ZMYM4: variants seen among roughly 807,000 people sequenced by gnomAD.
The protein encoded by ZMYM4 is zinc finger MYM-type containing 4.
In ZMYM4, 31 loss-of-function variants were observed where a neutral mutation model predicts 183.2. The ratio of observed to expected loss-of-function variants is 0.17; its 90% CI spans 0.13 to 0.23. The LOEUF (loss-of-function observed/expected upper bound fraction) is 0.23. Ranked by LOEUF, ZMYM4 falls within the 10% of genes least tolerant of loss-of-function variation. ZMYM4 has a pLI of 1.00. For missense variants in ZMYM4, 1,273 were observed against 1,840.3 expected, an observed-to-expected ratio of 0.69 and a Z score of 5.64; for synonymous variants, 592 against 631.2, an observed-to-expected ratio of 0.94 and a Z score of 0.93.
At chr1:35,386,275 C>T (rs1191023877) in intron 11 of ZMYM4, 86 bp downstream of exon 11, 1 of 883,648 alleles carries the variant, frequency 1.1e-6, no homozygotes, top group Non-Finnish European at 1.7e-6. Flanking sequence ...AAGAAATACC[C>T]TAGACTGGGT....
At chr1:35,385,311 G>A in intron 9 of ZMYM4, 131 bp from the exon 10 acceptor site, 4 of 973,984 alleles carry the variant, frequency 4.1e-6, no homozygotes, top group Non-Finnish European at 5.9e-6. Context: ...TTCCTATTGA[G>A]GATTACAATC....
At chr1:35,287,708 C>T (rs561771330) in intron 1 of ZMYM4, among the ~76,000 whole-genome samples, 6 of 152,150 alleles carry the variant, frequency 3.9e-5, no homozygotes, top group South Asian at 2.1e-4. Context: ...CGGGTTCAAG[C>T]GATTCTCCTG....
At chr1:35,361,893 G>A in intron 5 of ZMYM4, 104 bp downstream of exon 5, 4 of 1,419,504 alleles carry the variant, frequency 2.8e-6, no homozygotes, top group African/African-American at 2.9e-5. Context: ...TTGACAGGGT[G>A]AAAGGAAACT....
chr1:35,346,377 G>A (rs78248701), intron 2 of ZMYM4, among the ~76,000 whole-genome samples: 14,145 of 152,140 alleles, frequency 0.093, 1,765 homozygotes, highest in African/African-American at 0.28. Flanking sequence ...GAGGTGAGAC[G>A]TTGTGGCTCA....
At chr1:35,385,037 G>T (rs955218418) in intron 9 of ZMYM4, among the ~76,000 whole-genome samples, 1 of 151,790 alleles carries the variant, frequency 6.6e-6, no homozygotes, top group Non-Finnish European at 1.5e-5. Context: ...TAGAGGCAGG[G>T]TTTCACCATG....
At chr1:35,396,807 T>C (rs1644816950) in intron 19 of ZMYM4, 137 bp downstream of exon 19, 2 of 1,006,518 alleles carry the variant, frequency 2.0e-6, no homozygotes, top group Admixed American at 6.7e-5. Context: ...ATTCCCATTA[T>C]TACTTAACAT....
intron 5 of ZMYM4, 92 bp from the exon 6 acceptor site, chr1:35,369,937 A>T: frequency 1.2e-6 from 1 of 844,524 alleles, no homozygotes; most frequent in African/African-American, 1.7e-5. Context: ...TTCCACCTCT[A>T]TATAGTGGTA....
chr1:35,269,265 C>T (rs1639470676), intron 1 of ZMYM4, among the ~76,000 whole-genome samples, 180 bp downstream of exon 1: 1 of 39,034 alleles, frequency 2.6e-5, no homozygotes, highest in South Asian at 8.4e-4. Context: ...GCAGGTGGGA[C>T]AAAGATTTGG....
At chr1:35,301,641 T>C (rs74786855) in intron 1 of ZMYM4, among the ~76,000 whole-genome samples, 2 of 152,130 alleles carry the variant, frequency 1.3e-5, no homozygotes, top group African/African-American at 4.8e-5. Flanking sequence ...TTCTGCCCGC[T>C]TTTTTCTGGT....
intron 7 of ZMYM4, among the ~76,000 whole-genome samples, chr1:35,376,831 T>G (rs1330782707): frequency 1.3e-5 from 2 of 150,484 alleles, no homozygotes; most frequent in Non-Finnish European, 3.0e-5. Context: ...CGGCCTATAG[T>G]ATTTTAAGAA....
At position 35,381,536 on chromosome 1, in the gene ZMYM4, T is replaced by C. The variant is rs561169226; in HGVS notation, c.1357-10T>C. ...TCCTTGTTTTTGTGTTGCTGTTATT[T>C]AATTTCTAGATTCGACATGAAGTTA... is the stretch of plus-strand genomic sequence containing the variant. On this transcript the variant is annotated splice_polypyrimidine_tract_variant and intron_variant, in intron 8 of 29. Coordinates refer to ENST00000314607, the MANE Select transcript of ZMYM4 (RefSeq NM_005095.3). The C allele has an allele frequency of 2.5e-6, 4 of 1,614,090 alleles. No homozygotes were observed. The highest frequency in any genetic ancestry group is 2.5e-6 in the Non-Finnish European group (3 of 1,179,928).
chr1:35,386,151 C>T lies in ZMYM4; in HGVS notation c.1798C>T (p.Arg600Cys), dbSNP rs767665555. Residue 600 changes from arginine to cysteine, a missense_variant, in exon 11 of 30, where the codon CGC (arginine) becomes TGC (cysteine). Transcript: ENST00000314607. ...YHLAMSDGSI[R>C]NFCSYSCVVA... Reference sequence around the variant, plus strand: ...CCTAGCCATGTCAGATGGAAGTATACGCAACTTCTGCAGCTACAGCTGTGT... The same window carrying T: ...CCTAGCCATGTCAGATGGAAGTATATGCAACTTCTGCAGCTACAGCTGTGT... 35 of 1,613,798 alleles carry T rather than the reference C, an allele frequency of 2.2e-5. No homozygotes were observed. Among genetic ancestry groups the T allele is most frequent in the Non-Finnish European group, 2.8e-5 (33 of 1,179,856 alleles).
chr1:35,349,797 T>A (rs1447910116), intron 2 of ZMYM4, among the ~76,000 whole-genome samples: 3 of 146,416 alleles, frequency 2.0e-5, no homozygotes, highest in African/African-American at 7.6e-5. Context: ...ACCACTGCAC[T>A]CCAGCCTGGG....
chr1:35,394,933 G>GC (rs1024923722), intron 18 of ZMYM4, among the ~76,000 whole-genome samples: 2 of 152,040 alleles, frequency 1.3e-5, no homozygotes, highest in African/African-American at 4.8e-5. Flanking sequence ...GGGCAACATA[G>GC]CGAGACCATC....
chr1:35,275,228 G>A (rs1285678267), intron 1 of ZMYM4, among the ~76,000 whole-genome samples: 17 of 151,980 alleles, frequency 1.1e-4, no homozygotes. Context: ...TTTGACAATG[G>A]AAAGATTTTC....
chr1:35,290,113 G>A (rs989684278), intron 1 of ZMYM4, among the ~76,000 whole-genome samples: 4 of 151,910 alleles, frequency 2.6e-5, no homozygotes, highest in African/African-American at 9.7e-5. Flanking sequence ...GATTACAGAT[G>A]CGCACTACCA....
chr1:35,352,255 G>A (rs555059090), intron 2 of ZMYM4, among the ~76,000 whole-genome samples: 66 of 99,358 alleles, frequency 6.6e-4, no homozygotes, highest in East Asian at 2.5e-3. Context: ...AAAAATTAGC[G>A]CGCACGCGCG....
At chr1:35,351,608 A>G (rs1286190043) in intron 2 of ZMYM4, 12 of 674,716 alleles carry the variant, frequency 1.8e-5, no homozygotes, top group Non-Finnish European at 3.1e-5. Context: ...TGAGAGCTAA[A>G]CCAAACAATT....
intron 2 of ZMYM4, among the ~76,000 whole-genome samples, chr1:35,335,285 G>A (rs962236780): frequency 6.6e-6 from 1 of 151,476 alleles, no homozygotes; most frequent in Non-Finnish European, 1.5e-5. Flanking sequence ...CACCCAGGCT[G>A]GAGTGCAGTG....
Sources: gnomAD v4.1 joint callset for allele counts (sites outside exome capture counted in the v4.1 genomes callset) on GRCh38, gnomAD v4.1.1 for gene constraint, MANE v1.5 for transcripts, NCBI Gene and HGNC (gene_info 2026-07-23, HGNC 2026-07-21) for gene names.